Variants in PTH2R observed in about 807,000 individuals in gnomAD.
PTH2R encodes the protein parathyroid hormone 2 receptor, also known as PTH2 receptor.
Under a neutral mutation model 60.3 loss-of-function variants are expected in PTH2R, and 59 were observed. The ratio of observed to expected loss-of-function variants is 0.98; its 90% confidence interval spans 0.79 to 1.22. The LOEUF (loss-of-function observed/expected upper bound fraction) is 1.22, where lower values mean the gene tolerates loss of function less well. Ranked by LOEUF, PTH2R falls within the 50% of genes most tolerant of loss-of-function variation. The pLI is 0.00. For synonymous variants in PTH2R, 256 were observed against 243.8 expected, an observed-to-expected ratio of 1.05 and a Z score of -0.47; for missense variants, 749 against 682.6, an observed-to-expected ratio of 1.10 and a Z score of -1.08.
intron 1 of PTH2R, among the ~76,000 whole-genome samples, chr2:208,415,361 C>T (rs1701618825): frequency 6.6e-6 from 1 of 152,116 alleles, no homozygotes; most frequent in South Asian, 2.1e-4. Context: ...TTTCAGTGTT[C>T]ATAAAATTTT....
At chr2:208,364,160 C>A (rs561636641) in intron 1 of PTH2R, among the ~76,000 whole-genome samples, 13 of 151,894 alleles carry the variant, frequency 8.6e-5, no homozygotes, top group Non-Finnish European at 1.8e-4. Flanking sequence ...AAACATTTTC[C>A]CTCATTCTGT....
At chr2:208,383,414 G>C (rs1281332905) in intron 1 of PTH2R, among the ~76,000 whole-genome samples, 5 of 152,144 alleles carry the variant, frequency 3.3e-5, no homozygotes, top group Non-Finnish European at 5.9e-5. Context: ...TAACAATATT[G>C]TCAGGGACTC....
intron 4 of PTH2R, among the ~76,000 whole-genome samples, chr2:208,438,331 G>A (rs151220014): frequency 4.1e-4 from 62 of 152,178 alleles, no homozygotes; most frequent in East Asian, 2.3e-3. Flanking sequence ...TCTCATTAGC[G>A]TATAAAAGAT....
intron 10 of PTH2R, among the ~76,000 whole-genome samples, chr2:208,486,922 T>C (rs754731374): frequency 2.6e-5 from 4 of 152,140 alleles, no homozygotes; most frequent in Non-Finnish European, 4.4e-5. Context: ...AGGAGCAGCA[T>C]AGGAGAAAGC....
chr2:208,444,772 C>T lies in PTH2R; in HGVS notation c.738C>T (p.Phe246=). ...CKIAVVMFIY[F]LATNYYWILV... ...TTGCTGTTGTGATGTTTATTTACTT[C>T]CTGGCTACAAATTATTATTGGATCC... The change falls in exon 7 of 13, where the codon TTC becomes TTT. Residue 246 remains phenylalanine, a synonymous_variant. Coordinates refer to ENST00000272847, the MANE Select transcript of PTH2R (RefSeq NM_005048.4). The T allele has an allele frequency of 6.2e-7, 1 of 1,613,716 alleles. No individual in the cohort carries two copies. The highest frequency in any genetic ancestry group is 1.3e-5 in the African/African-American group (1 of 75,024).
intron 1 of PTH2R, among the ~76,000 whole-genome samples, chr2:208,373,930 AGC>A (rs1448251412): frequency 6.6e-6 from 1 of 152,112 alleles, no homozygotes; most frequent in Admixed American, 6.5e-5. Context: ...TGGCACTAAA[AGC>A]TTTTTACTTG....
chr2:208,407,252 A>T (rs551930548), intron 1 of PTH2R, 134 bp downstream of exon 1: 12 of 683,696 alleles, frequency 1.8e-5, no homozygotes, highest in Non-Finnish European at 2.4e-5. Context: ...GCACGCACCG[A>T]GGCGTACCCG....
At chr2:208,444,054 T>C (rs942694539) in intron 6 of PTH2R, among the ~76,000 whole-genome samples, 8 of 152,212 alleles carry the variant, frequency 5.3e-5, no homozygotes, top group African/African-American at 9.7e-5. Context: ...TTAGGTATAG[T>C]AGATTGATTG....
chr2:208,400,857 C>G (rs1353349704), intron 1 of PTH2R, among the ~76,000 whole-genome samples: 1 of 152,054 alleles, frequency 6.6e-6, no homozygotes, highest in Non-Finnish European at 1.5e-5. Context: ...AGTATTTAAC[C>G]AGATGTATAT....
At chr2:208,392,507 A>T (rs1701124307) in intron 1 of PTH2R, among the ~76,000 whole-genome samples, 1 of 152,186 alleles carries the variant, frequency 6.6e-6, no homozygotes, top group African/African-American at 2.4e-5. Context: ...GTTAACTTCC[A>T]TCAGGGGGAG....
chr2:208,488,941 TC>T, intron 10 of PTH2R, 70 bp from the exon 11 acceptor site: 2 of 1,417,536 alleles, frequency 1.4e-6, no homozygotes, highest in African/African-American at 1.4e-5. Context: ...GTTTTTTTTT[TC>T]CTCCAGCACG....
At chr2:208,488,876 G>C (rs1703333047) in intron 10 of PTH2R, 136 bp from the exon 11 acceptor site, 5 of 890,556 alleles carry the variant, frequency 5.6e-6, no homozygotes, top group Non-Finnish European at 8.4e-6. Context: ...GTGAAACCCT[G>C]TCTCAAGAAA....
chr2:208,389,018 CCTT>C (rs1234655874), intron 1 of PTH2R, among the ~76,000 whole-genome samples: 1 of 151,984 alleles, frequency 6.6e-6, no homozygotes, highest in African/African-American at 2.4e-5. Context: ...CATCAGTGCC[CCTT>C]CTTATTATCA....
At position 208,368,517 on chromosome 2, in the gene PTH2R, T is replaced by G. The variant is rs191149152; in HGVS notation, c.-259+8280T>G. Among the ~76,000 whole-genome samples the G allele has an allele frequency of 1.1e-3, 171 of 151,328 alleles. 1 individual carries two copies. Among genetic ancestry groups the G allele is most frequent in the African/African-American group, 2.3e-3 (95 of 40,594 alleles). ...GCCTCAACTAACCCTTAACTGTTTT[T>G]TTTTTGTTTTTGTTTTTTGTTTTTT... On this transcript the variant is annotated intron_variant, in intron 1 of 12. Transcript: ENST00000617735.
intron 4 of PTH2R, among the ~76,000 whole-genome samples, chr2:208,438,513 C>G (rs1702122521): frequency 6.6e-6 from 1 of 152,156 alleles, no homozygotes; most frequent in Non-Finnish European, 1.5e-5. Flanking sequence ...AATTTCACAT[C>G]AGTGCTGTTT....
intron 9 of PTH2R, among the ~76,000 whole-genome samples, chr2:208,479,019 C>A (rs1038448946): frequency 2.0e-5 from 3 of 152,080 alleles, no homozygotes; most frequent in African/African-American, 7.2e-5. Context: ...GAATTTCATC[C>A]AGCTGTTCTC....
intron 9 of PTH2R, among the ~76,000 whole-genome samples, chr2:208,463,635 A>G (rs559412985): frequency 1.4e-4 from 21 of 152,270 alleles, no homozygotes; most frequent in Non-Finnish European, 3.1e-4. Flanking sequence ...AGCATTAGCT[A>G]TTATCATTTT....
chr2:208,470,779 G>C (rs1702863883), intron 9 of PTH2R, among the ~76,000 whole-genome samples: 1 of 152,214 alleles, frequency 6.6e-6, no homozygotes, highest in Admixed American at 6.5e-5. Context: ...TTGGAACTGG[G>C]TAACAGGCAG....
At chr2:208,485,717 T>C (rs1315797157) in intron 10 of PTH2R, among the ~76,000 whole-genome samples, 1 of 152,190 alleles carries the variant, frequency 6.6e-6, no homozygotes, top group Non-Finnish European at 1.5e-5. Context: ...CCAAGATTCC[T>C]GCCCATGGGT....
Sources: allele counts gnomAD v4.1 joint callset (sites outside exome capture counted in the v4.1 genomes callset), GRCh38; gene constraint gnomAD v4.1.1; transcripts MANE v1.5; gene names NCBI Gene and HGNC (gene_info 2026-07-23, HGNC 2026-07-21).